GALNT13: variants seen among roughly 807,000 people sequenced by gnomAD.
GALNT13 encodes polypeptide N-acetylgalactosaminyltransferase 13, also known as UDP-GalNAc:polypeptide N-acetylgalactosaminyltransferase 13.
A neutral mutation model predicts 64.2 loss-of-function variants in GALNT13; 28 were observed. The ratio of observed to expected loss-of-function variants is 0.44; its 90% CI spans 0.32 to 0.60. The LOEUF is 0.60. Ranked by LOEUF, GALNT13 falls within the 20% of genes least tolerant of loss-of-function variation. GALNT13 has a pLI of 0.05. For synonymous variants in GALNT13, 214 were observed against 224.6 expected, an observed-to-expected ratio of 0.95 and a Z score of 0.42; for missense variants, 577 against 669.8, an observed-to-expected ratio of 0.86 and a Z score of 1.53.
At chr2:153,600,432 A>G in the GALNT13 span, among the ~76,000 whole-genome samples, 1 of 152,140 alleles carries the variant, frequency 6.6e-6, no homozygotes, top group African/African-American at 2.4e-5. Flanking sequence ...CAGAAAATCC[A>G]ACTGGAATGG....
At chr2:153,918,229 C>G (rs1371169112) in intron 2 of GALNT13, among the ~76,000 whole-genome samples, 1 of 152,078 alleles carries the variant, frequency 6.6e-6, no homozygotes, top group Admixed American at 6.6e-5. Context: ...GTAAAAATAT[C>G]TTTCTACCAC....
intron 4 of GALNT13, among the ~76,000 whole-genome samples, chr2:154,217,441 CA>C (rs1437334004): frequency 6.6e-6 from 1 of 152,050 alleles, no homozygotes; most frequent in Non-Finnish European, 1.5e-5. Context: ...TTATCAACAA[CA>C]TTTTTTTAAG....
the GALNT13 span, among the ~76,000 whole-genome samples, chr2:153,796,953 C>G: frequency 6.6e-6 from 1 of 152,100 alleles, no homozygotes; most frequent in Non-Finnish European, 1.5e-5. Context: ...GTGTTTGATG[C>G]AATAAGTTAC....
intron 3 of GALNT13, among the ~76,000 whole-genome samples, chr2:154,078,797 T>C (rs1701120961): frequency 6.6e-6 from 1 of 151,590 alleles, no homozygotes. Flanking sequence ...ATATAGAAGT[T>C]GATAGGCAGC....
chr2:154,269,906 GTA>G (rs67387315), intron 8 of GALNT13, among the ~76,000 whole-genome samples: 27,035 of 96,858 alleles, frequency 0.28, 4,498 homozygotes, highest in Middle Eastern at 0.45. Context: ...ATATATATGT[GTA>G]TATATATATA....
At chr2:153,916,654 A>T (rs1393897143) in intron 2 of GALNT13, among the ~76,000 whole-genome samples, 4 of 152,182 alleles carry the variant, frequency 2.6e-5, no homozygotes, top group Non-Finnish European at 4.4e-5. Flanking sequence ...ATAGAATATG[A>T]TAATATATTC....
chr2:154,143,494 T>TA (rs142804543), intron 4 of GALNT13, among the ~76,000 whole-genome samples: 43 of 147,938 alleles, frequency 2.9e-4, no homozygotes, highest in Non-Finnish European at 4.6e-4. Context: ...AACCATGAAT[T>TA]AAAAAAAAAA....
the GALNT13 span, chr2:153,477,372 T>C: frequency 6.6e-6 from 1 of 152,456 alleles, no homozygotes; most frequent in Non-Finnish European, 1.5e-5. Context: ...AAGGAAATGT[T>C]AAATAAGAAA....
chr2:153,563,533 T>A, the GALNT13 span, among the ~76,000 whole-genome samples: 3 of 152,142 alleles, frequency 2.0e-5, no homozygotes, highest in Non-Finnish European at 2.9e-5. Context: ...AGTTCTGCTG[T>A]GTGGAGCGGG....
chr2:153,142,094 C>T, the GALNT13 span, among the ~76,000 whole-genome samples: 1 of 152,158 alleles, frequency 6.6e-6, no homozygotes, highest in East Asian at 1.9e-4. Context: ...CTGCTGAATT[C>T]TTTGTACCTA....
chr2:154,287,926 T>G (rs1692367785), intron 8 of GALNT13, among the ~76,000 whole-genome samples: 2 of 152,140 alleles, frequency 1.3e-5, no homozygotes, highest in Admixed American at 1.3e-4. Context: ...TTCCTCCCAA[T>G]TAGTATAGCC....
At chr2:153,597,301 A>G in the GALNT13 span, among the ~76,000 whole-genome samples, 8 of 152,158 alleles carry the variant, frequency 5.3e-5, no homozygotes, top group South Asian at 1.0e-3. Flanking sequence ...CACAGATCAC[A>G]CAAGCATGAA....
chr2:153,804,743 T>G, the GALNT13 span, among the ~76,000 whole-genome samples: 1 of 152,118 alleles, frequency 6.6e-6, no homozygotes, highest in Non-Finnish European at 1.5e-5. Flanking sequence ...TTAAGTGTAA[T>G]GTAAAATCCT....
the GALNT13 span, among the ~76,000 whole-genome samples, chr2:153,261,537 C>T: frequency 6.6e-6 from 1 of 152,266 alleles, no homozygotes; most frequent in Non-Finnish European, 1.5e-5. Context: ...ACAAATGGAG[C>T]CTCTTACTCT....
At position 154,222,473 on chromosome 2, in the gene GALNT13, A is replaced by T. The variant is rs1468016320; in HGVS notation, c.312-19557A>T. On this transcript the variant is annotated intron_variant, in intron 4 of 12. Coordinates refer to ENST00000392825, the MANE Select transcript of GALNT13 (RefSeq NM_052917.4). ...AAACAAAGTACCTTATATTATTTTA[A>T]TCCCTAAAATTATTGTTGATAAAAC... Among the ~76,000 whole-genome samples the T allele has an allele frequency of 2.0e-5, 3 of 152,164 alleles. No individual in the cohort carries two copies. In the East Asian group the frequency reaches 5.8e-4, roughly 29 times the overall value.
chr2:153,760,771 A>C, the GALNT13 span, among the ~76,000 whole-genome samples: 1 of 152,028 alleles, frequency 6.6e-6, no homozygotes. Context: ...TTCAAAGCTA[A>C]TGTTTTCTTA....
chr2:153,273,069 A>T, the GALNT13 span, among the ~76,000 whole-genome samples: 2 of 152,144 alleles, frequency 1.3e-5, no homozygotes, highest in African/African-American at 4.8e-5. Context: ...CTCATAAAGG[A>T]GTTGAACAAT....
At chr2:153,587,039 C>T in the GALNT13 span, among the ~76,000 whole-genome samples, 1 of 151,866 alleles carries the variant, frequency 6.6e-6, no homozygotes, top group Non-Finnish European at 1.5e-5. Flanking sequence ...TGAGACCAGC[C>T]TGGCCAATGT....
chr2:154,249,007 T>C (rs1047897433), intron 7 of GALNT13, among the ~76,000 whole-genome samples: 1 of 152,020 alleles, frequency 6.6e-6, no homozygotes, highest in Non-Finnish European at 1.5e-5. Flanking sequence ...AGTTTGAAAC[T>C]CATCAAGCAT....
Sources: gnomAD v4.1 joint callset for allele counts (sites outside exome capture counted in the v4.1 genomes callset) on GRCh38, gnomAD v4.1.1 for gene constraint, MANE v1.5 for transcripts, NCBI Gene and HGNC (gene_info 2026-07-23, HGNC 2026-07-21) for gene names.